Variants in SETD2 observed in about 807,000 individuals in gnomAD.
The protein encoded by SETD2 is histone-lysine N-methyltransferase SETD2.
SETD2 carries 31 observed loss-of-function variants against 242.1 expected under a neutral mutation model. That is an observed-to-expected ratio of 0.13 (90% confidence interval 0.10 to 0.17). The LOEUF is 0.17. Ranked by LOEUF, SETD2 falls within the 10% of genes least tolerant of loss-of-function variation. SETD2 has a pLI of 1.00. For missense variants in SETD2, 2,481 were observed against 3,046.3 expected, an observed-to-expected ratio of 0.81 and a Z score of 4.37; for synonymous variants, 1,006 against 1,066.5, an observed-to-expected ratio of 0.94 and a Z score of 1.11.
At chr3:47,152,951 C>T (rs1020020849) in intron 1 of SETD2, among the ~76,000 whole-genome samples, 1 of 152,172 alleles carries the variant, frequency 6.6e-6, no homozygotes, top group Admixed American at 6.6e-5. Context: ...GAATTCAGAC[C>T]TATCTTAAAC....
intron 8 of SETD2, among the ~76,000 whole-genome samples, chr3:47,100,586 C>T (rs1438478054): frequency 6.6e-6 from 1 of 152,102 alleles, no homozygotes; most frequent in Non-Finnish European, 1.5e-5. Flanking sequence ...CATTAGAACA[C>T]AGGGATTTTA....
chr3:47,093,318 C>G (rs2041879138), intron 9 of SETD2, among the ~76,000 whole-genome samples: 1 of 143,104 alleles, frequency 7.0e-6, no homozygotes, highest in African/African-American at 2.7e-5. Flanking sequence ...GAGCTTCACT[C>G]TGTCGCCCAG....
At chr3:47,101,601 T>A (rs200178101) in intron 7 of SETD2, 46 bp from the exon 8 acceptor site, 1 of 507,462 alleles carries the variant, frequency 2.0e-6, no homozygotes, top group Non-Finnish European at 3.4e-6. Context: ...CTTATTAGTG[T>A]GTGTGTGTGT....
At chr3:47,028,332 T>C (rs2038598879) in intron 18 of SETD2, among the ~76,000 whole-genome samples, 1 of 152,184 alleles carries the variant, frequency 6.6e-6, no homozygotes, top group Non-Finnish European at 1.5e-5. Flanking sequence ...GATTGGAATT[T>C]AGAGTATCTG....
At chr3:47,136,975 G>A (rs537665480) in intron 1 of SETD2, among the ~76,000 whole-genome samples, 3 of 152,118 alleles carry the variant, frequency 2.0e-5, no homozygotes, top group South Asian at 2.1e-4. Context: ...TACCTAGTGA[G>A]TACAATGTTC....
Position 47,113,947 on chromosome 3 carries a change from C to A in SETD2, c.4644G>T (p.Gln1548His), listed in dbSNP as rs1180014862. The change falls in exon 5 of 21, where the codon CAG becomes CAT. Residue 1548 changes from glutamine to histidine, a missense_variant. By Grantham distance (24) the Gln-to-His change is conservative. Around this residue, in one of 17 missense-constraint regions of SETD2, gnomAD observed 61 missense variants for 221.4 expected, o/e 0.28. Coordinates refer to ENST00000409792, the MANE Select transcript of SETD2 (RefSeq NM_014159.7). ...TGAGTATGACTTCCACATCTGCATG[C>A]TGTTTTCTCTGAAACCGTCTATTGG... ...YCSNRRFQRKQHADVEVILTE... is the reference protein window; with the variant it reads ...YCSNRRFQRKHHADVEVILTE... 1 of 1,613,444 alleles carries A rather than the reference C, an allele frequency of 6.2e-7. No homozygotes were observed. The highest frequency in any genetic ancestry group is 8.5e-7 in the Non-Finnish European group (1 of 1,179,576).
rs575723313 is a variant in SETD2 at position 47,106,736 on chromosome 3, TG to T, written c.4716-617del. Among the ~76,000 whole-genome samples, 240 of 146,560 alleles carry T rather than the reference TG, an allele frequency of 1.6e-3. 2 individuals carry two copies. The highest frequency in any genetic ancestry group is 3.6e-3 in the Middle Eastern group (1 of 280). Reference sequence around the variant, plus strand: ...CTGAGACAGGAGAATTGCTTGAACCTGGGAGGCAGAAGTTGCAGTGAGCCGA... The same window carrying T: ...CTGAGACAGGAGAATTGCTTGAACCTGGAGGCAGAAGTTGCAGTGAGCCGA... On this transcript the variant is annotated intron_variant, in intron 5 of 20. Transcript: ENST00000409792.
Position 47,120,478 on chromosome 3 carries a change from C to A in SETD2, c.4158G>T (p.Lys1386Asn), listed in dbSNP as rs2107742010. The change falls in exon 3 of 21, where the codon AAG becomes AAT. Residue 1386 changes from lysine to asparagine, a missense_variant. Transcript: ENST00000409792. ...SIKDTLAVNEKKDFSKNLEKN... is the reference protein window; with the variant it reads ...SIKDTLAVNENKDFSKNLEKN... The stretch of plus-strand genomic sequence containing the variant: ...TTTCTAAGTTTTTTGAAAAATCTTT[C>A]TTTTCATTCACAGCTAAAGTGTCCT... The A allele has an allele frequency of 6.2e-7, 1 of 1,613,508 alleles. No homozygotes were observed. The highest frequency in any genetic ancestry group is 8.5e-7 in the Non-Finnish European group (1 of 1,179,872).
At chr3:47,034,138 A>C (rs2038898278) in intron 18 of SETD2, among the ~76,000 whole-genome samples, 1 of 152,134 alleles carries the variant, frequency 6.6e-6, no homozygotes, top group East Asian at 1.9e-4. Flanking sequence ...TTCTTTCTGC[A>C]CTCTCATTAT....
chr3:47,057,602 A>G (rs1354513370), intron 14 of SETD2, 112 bp from the exon 15 acceptor site: 8 of 742,176 alleles, frequency 1.1e-5, no homozygotes, highest in Non-Finnish European at 1.8e-5. Flanking sequence ...ATCAAACCCT[A>G]TTTGGCACTG....
chr3:47,143,204 C>G (rs542905184), intron 1 of SETD2, among the ~76,000 whole-genome samples: 1 of 152,032 alleles, frequency 6.6e-6, no homozygotes, highest in Non-Finnish European at 1.5e-5. Flanking sequence ...TGAGGCAGGA[C>G]CACTGCTTGA....
chr3:47,091,321 C>T (rs2041794710), intron 9 of SETD2, among the ~76,000 whole-genome samples: 1 of 152,118 alleles, frequency 6.6e-6, no homozygotes, highest in Admixed American at 6.6e-5. Context: ...AAAATATTCA[C>T]AGGGCTAAAA....
intron 17 of SETD2, among the ~76,000 whole-genome samples, chr3:47,039,711 CAA>C (rs554753105): frequency 0.58 from 59,191 of 101,844 alleles, 16,328 homozygotes; most frequent in East Asian, 0.7. Flanking sequence ...ACCGAAAATA[CAA>C]AAAAAAAAAA....
chr3:47,068,793 C>G (rs1006898172), intron 12 of SETD2, among the ~76,000 whole-genome samples: 1 of 151,686 alleles, frequency 6.6e-6, no homozygotes, highest in African/African-American at 2.4e-5. Context: ...CTGCGCCCGG[C>G]CTATCTTTTT....
chr3:47,123,538 A>C lies in SETD2; in HGVS notation c.1098T>G (p.Pro366=). 6.4e-7 allele frequency: 1 copy of C among 1,550,566 alleles called. No individual in the cohort carries two copies. The highest frequency in any genetic ancestry group is 2.4e-5 in the East Asian group (1 of 40,916). The change falls in exon 3 of 21, where the codon CCT becomes CCG. Residue 366 remains proline, a synonymous_variant. Coordinates refer to ENST00000409792, the MANE Select transcript of SETD2 (RefSeq NM_014159.7). ...CATCTCTGTCTGTTTTAGATCGTGA[A>C]GGTTTCCCTAGATCCTCACTTTTTA... The part of the protein sequence containing the change: ...APLKSEDLGK[P]SRSKTDRDDK...
At position 47,017,445 on chromosome 3, in the gene SETD2, A is replaced by C. The variant is rs568921177; in HGVS notation, c.7534-191T>G. 6.6e-6 allele frequency among the ~76,000 whole-genome samples: 1 copy of C among 151,936 alleles called. No homozygotes were observed. The highest frequency in any genetic ancestry group is 1.5e-5 in the Non-Finnish European group (1 of 67,998). ...AGAAAGGACAAGCTGAGCTCTGAAA[A>C]TTTCTTAGAGAACTACTGCTGTCAT... is the stretch of plus-strand genomic sequence containing the variant. On this transcript the variant is annotated intron_variant, in intron 20 of 20. Coordinates refer to ENST00000409792, the MANE Select transcript of SETD2 (RefSeq NM_014159.7). This position sits in a 1 kb window ranked among gnomAD's most constrained non-coding sequence, Gnocchi z 4.8.
intron 13 of SETD2, among the ~76,000 whole-genome samples, chr3:47,063,988 G>GA (rs5848823): frequency 2.7e-5 from 4 of 149,246 alleles, no homozygotes; most frequent in Admixed American, 6.7e-5. Flanking sequence ...ATCTCGGGAG[G>GA]AAAAAAAAAA....
rs867207380 is a variant in SETD2 at position 47,049,345 on chromosome 3, A to G, written c.6964-2724T>C. Among the ~76,000 whole-genome samples, 123 of 111,114 alleles carry G rather than the reference A, an allele frequency of 1.1e-3. 2 individuals are homozygous for G. Among genetic ancestry groups the G allele is most frequent in the Non-Finnish European group, 1.5e-3 (81 of 54,674 alleles). The allele number at this position is 111,114 out of a possible 152,430, so 72.9% of individuals were successfully genotyped here. A position where few individuals can be genotyped will look rare whatever the true frequency, so the allele number is the denominator to read the frequency against. On this transcript the variant is annotated intron_variant, in intron 15 of 20. Coordinates refer to ENST00000409792, the MANE Select transcript of SETD2 (RefSeq NM_014159.7). Reference sequence around the variant, plus strand: ...TATATATATATATATATATATATATATATGTATTCTTATATATATAAACTT... The same window carrying G: ...TATATATATATATATATATATATATGTATGTATTCTTATATATATAAACTT...
At chr3:47,142,089 C>T (rs966759877) in intron 1 of SETD2, among the ~76,000 whole-genome samples, 31 of 152,172 alleles carry the variant, frequency 2.0e-4, no homozygotes, top group African/African-American at 7.0e-4. Flanking sequence ...TTAAAATAAA[C>T]TGCAAAAGGC....
Sources: allele counts gnomAD v4.1 joint callset (sites outside exome capture counted in the v4.1 genomes callset), GRCh38; gene constraint gnomAD v4.1.1; regional missense constraint gnomAD v4.1.1; non-coding constraint Gnocchi (gnomAD v3.1); transcripts MANE v1.5; gene names NCBI Gene and HGNC (gene_info 2026-07-23, HGNC 2026-07-21).